Variants in FRAS1 observed in about 807,000 individuals in gnomAD.
FRAS1 encodes Fraser extracellular matrix complex subunit 1, also known as extracellular matrix organizing protein FRAS1.
A neutral mutation model predicts 435.2 loss-of-function variants in FRAS1; 290 were observed. That is an observed-to-expected ratio of 0.67 (90% CI 0.61 to 0.73). The LOEUF (loss-of-function observed/expected upper bound fraction) is 0.73. FRAS1 is among the 30% of genes least tolerant of loss of function. FRAS1 has a pLI of 0.00. For missense variants in FRAS1, 4,860 were observed against 5,001.5 expected, an observed-to-expected ratio of 0.97 and a Z score of 0.85; for synonymous variants, 1,800 against 1,851.0, an observed-to-expected ratio of 0.97 and a Z score of 0.71.
chr4:78,529,863 T>G (rs1033966384), intron 70 of FRAS1, among the ~76,000 whole-genome samples: 3 of 152,208 alleles, frequency 2.0e-5, no homozygotes, highest in African/African-American at 7.2e-5. Context: ...GAATTGTTTA[T>G]TTCTGGAATT....
At chr4:78,473,624 T>C in intron 53 of FRAS1, 27 bp downstream of exon 53, 4 of 1,537,576 alleles carry the variant, frequency 2.6e-6, no homozygotes, top group Non-Finnish European at 3.5e-6. Context: ...GCTTTCCTTC[T>C]TGAGAAATCA....
chr4:78,143,547 G>C (rs1007748751), intron 2 of FRAS1, among the ~76,000 whole-genome samples: 1 of 152,034 alleles, frequency 6.6e-6, no homozygotes, highest in African/African-American at 2.4e-5. Flanking sequence ...AGTGCATGTT[G>C]TACTGTTGCC....
At chr4:78,529,297 AT>A (rs1489845186) in intron 70 of FRAS1, among the ~76,000 whole-genome samples, 1 of 152,126 alleles carries the variant, frequency 6.6e-6, no homozygotes, top group African/African-American at 2.4e-5. Flanking sequence ...ATCTGATGGG[AT>A]ATGCTGGGGA....
rs749326277 is a variant in FRAS1, at chr4:78,255,297, C to T, written c.525C>T (p.Ser175=). The T allele has an allele frequency of 1.0e-5, 16 of 1,559,744 alleles. 1 individual carries two copies. In the South Asian group the frequency reaches 1.9e-4, roughly 18 times the overall value. ...VFQDGEDWRL[S]RCAKCLCRNG... ...AGGATGGGGAGGACTGGCGGCTGAG[C>T]CGGTGTGCCAAATGTCTGTGTAGAA... The change falls in exon 6 of 74, where the codon AGC becomes AGT. Residue 175 remains serine, a synonymous_variant. Coordinates refer to ENST00000512123, the MANE Select transcript of FRAS1 (RefSeq NM_025074.7).
chr4:78,442,160 C>T (rs914626119), intron 41 of FRAS1, among the ~76,000 whole-genome samples: 1 of 152,220 alleles, frequency 6.6e-6, no homozygotes, highest in Non-Finnish European at 1.5e-5. Context: ...GTCATGTTTT[C>T]CTACAGAAGT....
At chr4:78,406,057 A>G (rs1459631683) in intron 30 of FRAS1, among the ~76,000 whole-genome samples, 1 of 152,214 alleles carries the variant, frequency 6.6e-6, no homozygotes, top group African/African-American at 2.4e-5. Flanking sequence ...CTCAGTTCCA[A>G]TAAAGTTTAA....
intron 2 of FRAS1, among the ~76,000 whole-genome samples, chr4:78,185,171 A>G (rs1722220074): frequency 6.6e-6 from 1 of 152,200 alleles, no homozygotes; most frequent in Non-Finnish European, 1.5e-5. Flanking sequence ...GTTGATCAAA[A>G]ATTATTTGCA....
intron 14 of FRAS1, among the ~76,000 whole-genome samples, chr4:78,306,543 T>C (rs1194188686): frequency 4.9e-4 from 52 of 106,794 alleles, no homozygotes; most frequent in Non-Finnish European, 8.8e-4. Context: ...CCCATATTTC[T>C]TGGAGGCTTT....
Position 78,479,479 on chromosome 4 carries a change from G to T in FRAS1, c.8204G>T (p.Gly2735Val). ...TCAGGCTCTGATTTTAAATCTAGAG[G>T]GATGTCTGCCGCGAGTCGTGTGATA... ...LESGSDFKSRGMSAASRVIFG... is the reference protein window; with the variant it reads ...LESGSDFKSRVMSAASRVIFG... The change falls in exon 56 of 74, where the codon GGG becomes GTG. Residue 2735 changes from glycine (G) to valine (V), a missense_variant. Gly to Val is a moderately radical substitution (Grantham distance 109). Transcript: ENST00000512123. The T allele has an allele frequency of 6.2e-7, 1 of 1,611,484 alleles. No individual in the cohort carries two copies. Among genetic ancestry groups the T allele is most frequent in the Non-Finnish European group, 8.5e-7 (1 of 1,178,146 alleles).
chr4:78,200,607 A>T (rs572633134), intron 2 of FRAS1, among the ~76,000 whole-genome samples: 25 of 152,002 alleles, frequency 1.6e-4, no homozygotes, highest in Admixed American at 3.9e-4. Flanking sequence ...GATGTGATCG[A>T]TCTATTCAAG....
chr4:78,466,353 G>A lies in FRAS1; in HGVS notation c.7175G>A (p.Ser2392Asn), dbSNP rs371252857. The A allele has an allele frequency of 2.5e-6, 4 of 1,613,854 alleles. No individual in the cohort carries two copies. In the Admixed American group the frequency reaches 5.0e-5, roughly 20 times the overall value. The part of the protein sequence containing the change: ...QNRVSYSHDG[S>N]NSLKDRFTFT... ...CGGGTCAGCTACAGCCATGACGGCA[G>A]TAACTCCCTCAAGGACCGGTTCACC... Residue 2392 changes from serine to asparagine, a missense_variant, in exon 50 of 74, where the codon AGT becomes AAT. Physicochemically the swap from Ser to Asn is conservative, Grantham distance 46. Coordinates refer to ENST00000512123, the MANE Select transcript of FRAS1 (RefSeq NM_025074.7).
intron 2 of FRAS1, among the ~76,000 whole-genome samples, chr4:78,115,982 C>A (rs374970825): frequency 6.6e-6 from 1 of 152,242 alleles, no homozygotes; most frequent in South Asian, 2.1e-4. Context: ...TATAAATTTC[C>A]GTCTACACAC....
Position 78,237,588 on chromosome 4 carries a change from T to C in FRAS1, c.187T>C (p.Cys63Arg), listed in dbSNP as rs1172512383. 2.5e-6 allele frequency: 4 copies of C among 1,611,282 alleles called. No homozygotes were observed. Among genetic ancestry groups the C allele is most frequent in the Non-Finnish European group, 3.4e-6 (4 of 1,178,154 alleles). ...GDIVICKPAV[C>R]RNPQCAFEKG... ...TATTGTTATCTGCAAACCTGCTGTT[T>C]GCAGAAACCCTCAATGTGCCTTTGA... The change falls in exon 3 of 74, where the codon TGC (cysteine) becomes CGC (arginine). Residue 63 changes from cysteine (C) to arginine (R), a missense_variant. Cys to Arg is a radical substitution (Grantham distance 180). Coordinates refer to ENST00000512123, the MANE Select transcript of FRAS1 (RefSeq NM_025074.7).
chr4:78,459,796 C>G (rs1490553874), intron 47 of FRAS1, among the ~76,000 whole-genome samples: 1 of 152,204 alleles, frequency 6.6e-6, no homozygotes, highest in East Asian at 1.9e-4. Flanking sequence ...CCCCAGGCCT[C>G]TCTCCTTGGC....
chr4:78,260,434 G>C (rs1726029977), intron 6 of FRAS1, among the ~76,000 whole-genome samples: 1 of 152,196 alleles, frequency 6.6e-6, no homozygotes, highest in Admixed American at 6.5e-5. Flanking sequence ...TTGTAAGTTG[G>C]ATTCCTAGGT....
At chr4:78,370,666 A>C (rs1731466914) in intron 23 of FRAS1, among the ~76,000 whole-genome samples, 1 of 152,210 alleles carries the variant, frequency 6.6e-6, no homozygotes, top group East Asian at 1.9e-4. Context: ...GTCGTGTCTG[A>C]TGTGTTCATC....
Position 78,327,866 on chromosome 4 carries a change from C to G in FRAS1, c.2138-5406C>G, listed in dbSNP as rs918128162. Among the ~76,000 whole-genome samples the G allele has an allele frequency of 3.0e-4, 46 of 152,128 alleles. 1 individual carries two copies. The highest frequency in any genetic ancestry group is 2.4e-3 in the Admixed American group (37 of 15,270). On this transcript the variant is annotated intron_variant, in intron 18 of 73. Coordinates refer to ENST00000512123, the MANE Select transcript of FRAS1 (RefSeq NM_025074.7). ...CAAAACCAGCACGGAATTGAAATTTCATGACTTTTTTTTAAAGGATGCAGA... is the reference window on the plus strand; with the variant it reads ...CAAAACCAGCACGGAATTGAAATTTGATGACTTTTTTTTAAAGGATGCAGA...
intron 2 of FRAS1, among the ~76,000 whole-genome samples, chr4:78,117,498 T>A (rs980214222): frequency 3.9e-5 from 6 of 152,240 alleles, no homozygotes; most frequent in African/African-American, 1.4e-4. Context: ...TTTTTTCACA[T>A]AGTCCCTTAT....
chr4:78,282,165 C>G (rs4859924), intron 11 of FRAS1, among the ~76,000 whole-genome samples: 92,274 of 151,620 alleles, frequency 0.61, 28,232 homozygotes, highest in Middle Eastern at 0.7. Context: ...CGGGTAAGAA[C>G]CTCTGTCTCT....
Sources: gnomAD v4.1 joint callset for allele counts (sites outside exome capture counted in the v4.1 genomes callset) on GRCh38, gnomAD v4.1.1 for gene constraint, MANE v1.5 for transcripts, NCBI Gene and HGNC (gene_info 2026-07-23, HGNC 2026-07-21) for gene names.